MECOM: variants seen among roughly 807,000 people sequenced by gnomAD.
The protein encoded by MECOM is MDS1 and EVI1 complex locus.
Under a neutral mutation model 116.3 loss-of-function variants are expected in MECOM, and 13 were observed. That is an observed-to-expected ratio of 0.11 (90% CI 0.07 to 0.18). MECOM has a LOEUF of 0.18. Among genes scored for constraint, MECOM ranks in the 10% least tolerant of loss-of-function variants. The pLI, the probability that MECOM is intolerant of heterozygous loss-of-function variation, is 1.00. For synonymous variants in MECOM, 528 were observed against 535.2 expected, an observed-to-expected ratio of 0.99 and a Z score of 0.19; for missense variants, 1,299 against 1,509.0, an observed-to-expected ratio of 0.86 and a Z score of 2.31.
chr3:169,432,303 G>A (rs1490478224), intron 1 of MECOM, among the ~76,000 whole-genome samples: 1 of 151,836 alleles, frequency 6.6e-6, no homozygotes, highest in African/African-American at 2.4e-5. Context: ...GGATTACAGG[G>A]GTGCACCATC....
intron 2 of MECOM, among the ~76,000 whole-genome samples, chr3:169,322,719 C>T (rs917212597): frequency 7.2e-5 from 11 of 151,962 alleles, no homozygotes; most frequent in Admixed American, 2.6e-4. Flanking sequence ...CATAAAAGGC[C>T]GGCCACAGTG....
chr3:169,471,364 A>G (rs767175445), intron 1 of MECOM, among the ~76,000 whole-genome samples: 2 of 45,566 alleles, frequency 4.4e-5, no homozygotes, highest in South Asian at 1.4e-3. Context: ...TTACCTCAGG[A>G]AAAAAAAAAA....
intron 1 of MECOM, among the ~76,000 whole-genome samples, chr3:169,386,828 C>T (rs985970527): frequency 2.6e-4 from 39 of 152,250 alleles, no homozygotes; most frequent in African/African-American, 8.9e-4. Flanking sequence ...ACCAATTATA[C>T]TGGCATTTAT....
intron 1 of MECOM, among the ~76,000 whole-genome samples, chr3:169,542,210 C>G (rs2109236249): frequency 6.6e-6 from 1 of 151,850 alleles, no homozygotes; most frequent in African/African-American, 2.4e-5. Context: ...AAATATTTAC[C>G]AGTTAAACAC....
intron 1 of MECOM, among the ~76,000 whole-genome samples, chr3:169,494,076 A>G (rs975892128): frequency 1.3e-5 from 2 of 152,062 alleles, no homozygotes; most frequent in African/African-American, 2.4e-5. Context: ...AATTGTTATG[A>G]TTATACAGCC....
intron 2 of MECOM, among the ~76,000 whole-genome samples, chr3:169,282,360 A>C (rs146414168): frequency 6.6e-6 from 1 of 152,268 alleles, no homozygotes; most frequent in Non-Finnish European, 1.5e-5. Context: ...TCGAGTTGCT[A>C]AACCCTGAAG....
intron 1 of MECOM, 121 bp from the exon 2 acceptor site, chr3:169,381,645 G>A (rs1403821348): frequency 2.7e-6 from 2 of 745,368 alleles, no homozygotes; most frequent in East Asian, 5.5e-5. Flanking sequence ...TTGTTACGAT[G>A]TGCCTTCATT....
rs530415287 is a variant in MECOM at position 169,552,347 on chromosome 3, T to C, written c.37+110989A>G. On this transcript the variant is annotated intron_variant, in intron 1 of 16. Coordinates refer to ENST00000651503, the MANE Select transcript of MECOM (RefSeq NM_004991.4). ...TTTGATAACATCATCAAAATTCTTA[T>C]ACCTACAAAAGCCCTTTGGCCATTT... is the stretch of plus-strand genomic sequence containing the variant. Among the ~76,000 whole-genome samples the C allele has an allele frequency of 6.6e-5, 10 of 152,172 alleles. No homozygotes were observed. The East Asian group carries it at 1.8e-3, about 27-fold the overall frequency.
chr3:169,086,644 T>C, intron 16 of MECOM: 2 of 692,722 alleles, frequency 2.9e-6, no homozygotes, highest in East Asian at 5.4e-5. Flanking sequence ...TTACATAAAG[T>C]GTTTAGCTCA....
intron 1 of MECOM, among the ~76,000 whole-genome samples, chr3:169,459,425 A>G (rs1747055971): frequency 6.6e-6 from 1 of 152,212 alleles, no homozygotes; most frequent in Admixed American, 6.5e-5. Flanking sequence ...GTTAATTTGG[A>G]GAAATCACTA....
intron 2 of MECOM, among the ~76,000 whole-genome samples, chr3:169,237,455 G>A (rs980740108): frequency 6.6e-6 from 1 of 151,928 alleles, no homozygotes; most frequent in Non-Finnish European, 1.5e-5. Context: ...ACCACCCTTA[G>A]TCACTCATTC....
intron 1 of MECOM, among the ~76,000 whole-genome samples, chr3:169,518,184 G>A (rs369266487): frequency 1.3e-3 from 199 of 152,066 alleles, no homozygotes; most frequent in African/African-American, 4.2e-3. Context: ...GTGCGAACCC[G>A]GGAGGCGGAG....
intron 1 of MECOM, among the ~76,000 whole-genome samples, chr3:169,608,020 C>T (rs528641814): frequency 6.6e-6 from 1 of 152,298 alleles, no homozygotes; most frequent in East Asian, 1.9e-4. Flanking sequence ...AACTCATGCA[C>T]GGAGACCTTC....
At chr3:169,280,679 T>C in intron 2 of MECOM, among the ~76,000 whole-genome samples, 1 of 152,310 alleles carries the variant, frequency 6.6e-6, no homozygotes, top group South Asian at 2.1e-4. Flanking sequence ...GTCCCTAATA[T>C]GCTGTGCTCA....
intron 1 of MECOM, among the ~76,000 whole-genome samples, chr3:169,629,228 C>T (rs1771778566): frequency 6.6e-6 from 1 of 150,848 alleles, no homozygotes; most frequent in African/African-American, 2.4e-5. Flanking sequence ...TAAATATATG[C>T]ATTTTACATT....
At chr3:169,183,560 A>T (rs116245998) in intron 2 of MECOM, among the ~76,000 whole-genome samples, 1 of 152,194 alleles carries the variant, frequency 6.6e-6, no homozygotes, top group East Asian at 1.9e-4. Context: ...TGGCTTCACC[A>T]TTGTAGCAGC....
At position 169,442,856 on chromosome 3, in the gene MECOM, C is replaced by A. The variant is rs562607504; in HGVS notation, c.38-61332G>T. ...TTTTGACCCTGAATACAGAATTGGTCAAATGGAGTAGTATCTTTATGGCCC... is the reference window on the plus strand; with the variant it reads ...TTTTGACCCTGAATACAGAATTGGTAAAATGGAGTAGTATCTTTATGGCCC... On this transcript the variant is annotated intron_variant, in intron 1 of 16. Transcript: ENST00000651503. Among the ~76,000 whole-genome samples the A allele has an allele frequency of 7.9e-5, 12 of 152,120 alleles. No individual in the cohort carries two copies. The East Asian group carries it at 2.3e-3, about 29-fold the overall frequency.
At position 169,456,762 on chromosome 3, in the gene MECOM, C is replaced by A. The variant is rs79939620; in HGVS notation, c.38-75238G>T. ...GACCACATAGCTGCATGGTTATCTG[C>A]GACCCCTGTACCCACCATAATACTA... On this transcript the variant is annotated intron_variant, in intron 1 of 16. Coordinates refer to ENST00000651503, the MANE Select transcript of MECOM (RefSeq NM_004991.4). Among the ~76,000 whole-genome samples the A allele has an allele frequency of 9.9e-3, 1,512 of 152,214 alleles. 23 individuals carry two copies. The highest frequency in any genetic ancestry group is 0.035 in the African/African-American group (1,455 of 41,516).
At chr3:169,108,586 T>C (rs1214493081) in intron 9 of MECOM, among the ~76,000 whole-genome samples, 1 of 152,166 alleles carries the variant, frequency 6.6e-6, no homozygotes, top group African/African-American at 2.4e-5. Context: ...ACACAAAAGT[T>C]ATATACGCTT....
Sources: allele counts gnomAD v4.1 joint callset (sites outside exome capture counted in the v4.1 genomes callset), GRCh38; gene constraint gnomAD v4.1.1; transcripts MANE v1.5; gene names NCBI Gene and HGNC (gene_info 2026-07-23, HGNC 2026-07-21).